ZNF273: variants seen among roughly 807,000 people sequenced by gnomAD.
ZNF273 encodes zinc finger protein 273.
A neutral mutation model predicts 14.9 loss-of-function variants in ZNF273; 11 were observed. The ratio of observed to expected loss-of-function variants is 0.74; its 90% CI spans 0.46 to 1.22. The LOEUF (loss-of-function observed/expected upper bound fraction) is 1.22, where lower values mean the gene tolerates loss of function less well. ZNF273 is among the 50% of genes most tolerant of loss of function. ZNF273 has a pLI of 0.00. For synonymous variants in ZNF273, 199 were observed against 223.9 expected (o/e 0.89, Z 0.99); for missense variants, 577 against 660.6 (o/e 0.87, Z 1.39).
chr7:64,889,013 C>T (rs1791789561), downstream of ZNF273: 1 of 985,886 alleles, frequency 1.0e-6, no homozygotes, highest in Non-Finnish European at 1.2e-6. This position sits in a 1 kb window ranked among gnomAD's most constrained non-coding sequence, Gnocchi z 4.2. Context: ...AGCAGAACCG[C>T]CTACAAGGAA....
chr7:64,892,836 A>T (rs1327471308), downstream of ZNF273, among the ~76,000 whole-genome samples: 1 of 152,218 alleles, frequency 6.6e-6, no homozygotes, highest in East Asian at 1.9e-4. Flanking sequence ...GAAAATTTGC[A>T]TAGGTGGCAA....
At chr7:64,922,641 G>T (rs963759348) in intron 3 of ZNF273, among the ~76,000 whole-genome samples, 1 of 151,816 alleles carries the variant, frequency 6.6e-6, no homozygotes, top group African/African-American at 2.4e-5. Context: ...TAGAGACAGA[G>T]CTTTGCCATG....
intron 3 of ZNF273, among the ~76,000 whole-genome samples, chr7:64,919,485 A>G (rs1404513984): frequency 6.6e-6 from 1 of 152,076 alleles, no homozygotes; most frequent in African/African-American, 2.4e-5. Context: ...TACTAAAAAT[A>G]CAAAAAATAA....
downstream of ZNF273, among the ~76,000 whole-genome samples, chr7:64,934,747 C>A (rs1795047371): frequency 6.6e-6 from 1 of 151,614 alleles, no homozygotes; most frequent in Admixed American, 6.6e-5. Flanking sequence ...AGGGTAATAA[C>A]TTTAGTGTTT....
intron 1 of ZNF273, among the ~76,000 whole-genome samples, chr7:64,914,582 A>G (rs1038438107): frequency 1.3e-5 from 2 of 152,116 alleles, no homozygotes; most frequent in Non-Finnish European, 2.9e-5. Context: ...TGAGTTTGGT[A>G]GGAACAGGAC....
At chr7:64,885,530 G>A (rs901393727) in intron 1 of ZNF273, among the ~76,000 whole-genome samples, 3 of 152,200 alleles carry the variant, frequency 2.0e-5, no homozygotes, top group South Asian at 2.1e-4. Flanking sequence ...GAATTGCAGA[G>A]TCTCATGAAT....
chr7:64,918,413 A>G (rs1161670736), intron 3 of ZNF273, 121 bp downstream of exon 3: 13 of 1,022,080 alleles, frequency 1.3e-5, no homozygotes, highest in Non-Finnish European at 1.7e-5. Flanking sequence ...CTGTAATCCC[A>G]GCACTTTGGG....
chr7:64,927,599 A>C (rs1794822397), intron 3 of ZNF273, 55 bp from the exon 4 acceptor site: 11 of 1,428,478 alleles, frequency 7.7e-6, no homozygotes, highest in Non-Finnish European at 1.0e-5. Context: ...AGATTTGTAA[A>C]GTATATTCAT....
downstream of ZNF273, among the ~76,000 whole-genome samples, chr7:64,931,331 C>A (rs187854626): frequency 2.4e-3 from 369 of 152,252 alleles, 5 homozygotes; most frequent in East Asian, 5.2e-3. Flanking sequence ...AGAATCTCCC[C>A]ATGCAGATGT....
chr7:64,901,739 T>TCATGTATAATATTATACATAATATTA (rs1296447763), upstream of ZNF273, among the ~76,000 whole-genome samples: 1 of 151,790 alleles, frequency 6.6e-6, no homozygotes, highest in Admixed American at 6.6e-5. Flanking sequence ...TCACATGAGG[T>TCATGTATAATATTATACATAATATTA]TGGGAGTTCG....
At chr7:64,883,215 C>CCA (rs1292468991), downstream of ZNF273, among the ~76,000 whole-genome samples, 14 of 57,846 alleles carry the variant, frequency 2.4e-4, 1 homozygote, top group Admixed American at 1.5e-3. Flanking sequence ...CAAATCACCA[C>CCA]CCCCCCCTCA....
downstream of ZNF273, among the ~76,000 whole-genome samples, chr7:64,883,384 A>G (rs1244289655): frequency 2.0e-5 from 3 of 152,100 alleles, no homozygotes; most frequent in East Asian, 1.9e-4. Context: ...CCAGCCGAGC[A>G]GGCGCTTCAC....
At chr7:64,888,273 T>C (rs796915350) in intron 1 of ZNF273, 1 of 984,762 alleles carries the variant, frequency 1.0e-6, no homozygotes, top group African/African-American at 1.7e-5. Context: ...TGTCCCTGTC[T>C]CTATGGGGGT....
upstream of ZNF273, among the ~76,000 whole-genome samples, chr7:64,899,635 T>C (rs1402672941): frequency 6.8e-6 from 1 of 148,018 alleles, no homozygotes; most frequent in African/African-American, 2.5e-5. Context: ...CAGATGGAGA[T>C]AAAATGAGAC....
chr7:64,916,417 C>T (rs1335223673), intron 1 of ZNF273, among the ~76,000 whole-genome samples: 6 of 148,548 alleles, frequency 4.0e-5, no homozygotes, highest in Non-Finnish European at 8.9e-5. Context: ...CGGCGGCAGG[C>T]GCCTGTAATC....
At chr7:64,917,497 CT>C in intron 1 of ZNF273, 83 bp from the exon 2 acceptor site, 1 of 1,537,750 alleles carries the variant, frequency 6.5e-7, no homozygotes, top group Non-Finnish European at 8.8e-7. Context: ...GTTCTCTTTA[CT>C]TTCGCATTCC....
At chr7:64,935,438 T>C (rs1795051953), downstream of ZNF273, among the ~76,000 whole-genome samples, 1 of 152,176 alleles carries the variant, frequency 6.6e-6, no homozygotes, top group Non-Finnish European at 1.5e-5. Flanking sequence ...TGAGGTGCAT[T>C]TGTCCTATAC....
intron 1 of ZNF273, among the ~76,000 whole-genome samples, chr7:64,905,850 C>T (rs1038068830): frequency 6.6e-6 from 1 of 152,064 alleles, no homozygotes; most frequent in Admixed American, 6.5e-5. Context: ...GATTTCTTCA[C>T]TTTTTTTGAC....
intron 1 of ZNF273, among the ~76,000 whole-genome samples, chr7:64,912,718 A>G (rs1241802796): frequency 6.6e-6 from 1 of 151,916 alleles, no homozygotes; most frequent in African/African-American, 2.4e-5. Context: ...GTTTTCTTAA[A>G]GCATTTAGAT....
Sources: allele counts gnomAD v4.1 joint callset (sites outside exome capture counted in the v4.1 genomes callset), GRCh38; gene constraint gnomAD v4.1.1; non-coding constraint Gnocchi (gnomAD v3.1); transcripts MANE v1.5; gene names NCBI Gene and HGNC (gene_info 2026-07-23, HGNC 2026-07-21).